The following C3orf33 variants were observed in gnomAD, a reference collection of about 807,000 sequenced individuals.
C3orf33 encodes the protein AP-1 activity suppressor.
In C3orf33, 23 loss-of-function variants were observed where a neutral mutation model predicts 28.7. That is an observed-to-expected ratio of 0.80 (90% confidence interval 0.58 to 1.13). The LOEUF (loss-of-function observed/expected upper bound fraction) is 1.13. Ranked by LOEUF, C3orf33 falls within the 50% of genes most tolerant of loss-of-function variation. The probability of loss-of-function intolerance (pLI) is 0.00; values close to 1 mark genes in which losing one functional copy is unlikely to be tolerated. For missense variants in C3orf33, 327 were observed against 353.4 expected, an observed-to-expected ratio of 0.93 and a Z score of 0.60; for synonymous variants, 119 against 120.5, an observed-to-expected ratio of 0.99 and a Z score of 0.08.
intron 2 of C3orf33, among the ~76,000 whole-genome samples, chr3:155,786,754 C>A (rs545465898): frequency 6.6e-6 from 1 of 152,262 alleles, no homozygotes; most frequent in African/African-American, 2.4e-5. Context: ...TCACTTGAAC[C>A]TGGGAGGCAG....
At chr3:155,796,479 T>G (rs554903369) in intron 2 of C3orf33, among the ~76,000 whole-genome samples, 1 of 152,122 alleles carries the variant, frequency 6.6e-6, no homozygotes, top group South Asian at 2.1e-4. Context: ...GATCAACAAG[T>G]AATGAAAACA....
intron 1 of C3orf33, among the ~76,000 whole-genome samples, chr3:155,803,460 G>A (rs894302709): frequency 1.3e-5 from 2 of 149,882 alleles, no homozygotes; most frequent in Non-Finnish European, 3.0e-5. Context: ...AGCTACTCAG[G>A]AGGCTAAGGC....
At chr3:155,783,559 C>T (rs1234077121) in intron 2 of C3orf33, among the ~76,000 whole-genome samples, 1 of 149,706 alleles carries the variant, frequency 6.7e-6, no homozygotes, top group Non-Finnish European at 1.5e-5. Context: ...TTCTGCTTCC[C>T]AGGTTCAAGG....
chr3:155,773,791 C>T (rs1315401309), intron 3 of C3orf33, among the ~76,000 whole-genome samples: 1 of 152,188 alleles, frequency 6.6e-6, no homozygotes, highest in African/African-American at 2.4e-5. Flanking sequence ...TCATTACTAT[C>T]AGATAGGAGA....
In C3orf33 at chr3:155,775,785, G is replaced by A. The variant is rs755821715; in HGVS notation, c.238C>T (p.Arg80Cys). 86 of 1,595,090 alleles carry A rather than the reference G, an allele frequency of 5.4e-5. No individual in the cohort carries two copies. The highest frequency in any genetic ancestry group is 7.8e-5 in the South Asian group (7 of 90,078). ...TCAGTTATTCGGCGTAATCGTCCAC[G>A]TAGTTTAACATTTCTTCTTATAAAT... Reference protein sequence around the residue: ...VEFIRRNVKLRGRLRRITENG... With the variant: ...VEFIRRNVKLCGRLRRITENG... The change falls in exon 3 of 5, where the codon CGT becomes TGT. Residue 80 changes from arginine to cysteine, a missense_variant. By Grantham distance (180) the Arg-to-Cys change is radical. Coordinates refer to ENST00000340171, the MANE Select transcript of C3orf33 (RefSeq NM_001308229.2).
intron 2 of C3orf33, among the ~76,000 whole-genome samples, chr3:155,784,431 G>T (rs1751037090): frequency 1.3e-5 from 2 of 151,958 alleles, no homozygotes; most frequent in Non-Finnish European, 2.9e-5. Context: ...ACACAGAAAA[G>T]GAAATAATAT....
intron 3 of C3orf33, among the ~76,000 whole-genome samples, chr3:155,770,972 G>GTGTA (rs1750565562): frequency 6.8e-6 from 1 of 147,432 alleles, no homozygotes; most frequent in African/African-American, 2.5e-5. Flanking sequence ...CTGTGTGTGT[G>GTGTA]TGTGTGTGTG....
At chr3:155,788,954 C>T (rs1358269621) in intron 2 of C3orf33, among the ~76,000 whole-genome samples, 2 of 152,186 alleles carry the variant, frequency 1.3e-5, no homozygotes, top group Non-Finnish European at 2.9e-5. Context: ...TTAGAACTAA[C>T]ACACAAATTC....
chr3:155,802,367 T>C (rs1306721315), intron 2 of C3orf33, among the ~76,000 whole-genome samples, 165 bp downstream of exon 2: 1 of 152,240 alleles, frequency 6.6e-6, no homozygotes, highest in Non-Finnish European at 1.5e-5. Context: ...TGTGGATGTG[T>C]TATATTTAAA....
chr3:155,802,451 ACT>A (rs1372888714), intron 2 of C3orf33, 79 bp downstream of exon 2: 12 of 994,734 alleles, frequency 1.2e-5, no homozygotes, highest in Non-Finnish European at 1.9e-5. Context: ...AATATGATAC[ACT>A]GTTTGAGATA....
chr3:155,793,220 A>AC (rs1395759841), intron 2 of C3orf33, among the ~76,000 whole-genome samples: 3 of 151,860 alleles, frequency 2.0e-5, no homozygotes, highest in African/African-American at 4.8e-5. Context: ...CAAAAAAAAA[A>AC]AAACCTGTAA....
chr3:155,766,901 G>C (rs1032955453), intron 4 of C3orf33, among the ~76,000 whole-genome samples: 4 of 152,094 alleles, frequency 2.6e-5, no homozygotes, highest in African/African-American at 7.2e-5. Context: ...AGTGAGCCAA[G>C]ATCATGCCGC....
intron 2 of C3orf33, among the ~76,000 whole-genome samples, chr3:155,792,507 C>T (rs113253804): frequency 0.018 from 2,756 of 152,198 alleles, 66 homozygotes; most frequent in African/African-American, 0.063. Context: ...GTCACCAATC[C>T]TGCAGAGACA....
At chr3:155,775,579 C>T (rs781032338) in intron 3 of C3orf33, 122 bp downstream of exon 3, 1 of 583,722 alleles carries the variant, frequency 1.7e-6, no homozygotes, top group Admixed American at 4.2e-5. Context: ...AGAATTGAGA[C>T]TTTCTCATGG....
chr3:155,800,634 A>AAAAAAAAAAAAAAAAAAAAAAAAAC (rs1751618654), intron 2 of C3orf33, among the ~76,000 whole-genome samples: 1 of 146,948 alleles, frequency 6.8e-6, no homozygotes, highest in African/African-American at 2.5e-5. Context: ...AAAAAAAAAA[A>AAAAAAAAAAAAAAAAAAAAAAAAAC]AAAAAAAGGC....
At chr3:155,783,819 T>G (rs1751016883) in intron 2 of C3orf33, among the ~76,000 whole-genome samples, 1 of 152,214 alleles carries the variant, frequency 6.6e-6, no homozygotes, top group Non-Finnish European at 1.5e-5. Flanking sequence ...AGTATTATTG[T>G]AACTTTGGTT....
intron 2 of C3orf33, among the ~76,000 whole-genome samples, chr3:155,779,559 C>T (rs534545571): frequency 5.9e-5 from 9 of 152,056 alleles, no homozygotes; most frequent in South Asian, 2.1e-4. Flanking sequence ...CCTCCCAAAG[C>T]GCTGGGATTA....
chr3:155,764,688 T>TA (rs565230610), intron 4 of C3orf33, among the ~76,000 whole-genome samples: 5,108 of 145,916 alleles, frequency 0.035, 270 homozygotes, highest in African/African-American at 0.11. Context: ...CCACCTCTGC[T>TA]AAAAAAAAAA....
At chr3:155,776,443 A>G (rs1309739428) in intron 2 of C3orf33, among the ~76,000 whole-genome samples, 1 of 152,180 alleles carries the variant, frequency 6.6e-6, no homozygotes, top group Non-Finnish European at 1.5e-5. Context: ...CACGTTAACA[A>G]TACCATAAGC....
Sources: allele counts gnomAD v4.1 joint callset (sites outside exome capture counted in the v4.1 genomes callset), GRCh38; gene constraint gnomAD v4.1.1; transcripts MANE v1.5; gene names NCBI Gene and HGNC (gene_info 2026-07-23, HGNC 2026-07-21).